TENM2: variants seen among roughly 807,000 people sequenced by gnomAD.
TENM2 encodes teneurin-2.
A neutral mutation model predicts 245.2 loss-of-function variants in TENM2; 52 were observed. The observed-to-expected ratio is 0.21, with a 90% CI of 0.17 to 0.27. The LOEUF (loss-of-function observed/expected upper bound fraction) is 0.27. TENM2 is among the 10% of genes least tolerant of loss of function. The pLI is 1.00. For synonymous variants in TENM2, 1,363 were observed against 1,438.9 expected, an observed-to-expected ratio of 0.95 and a Z score of 1.19; for missense variants, 3,046 against 3,666.8, an observed-to-expected ratio of 0.83 and a Z score of 4.37.
chr5:167,413,359 T>C (rs995917780), intron 2 of TENM2, among the ~76,000 whole-genome samples: 9 of 152,096 alleles, frequency 5.9e-5, no homozygotes, highest in African/African-American at 1.7e-4. Context: ...CCTGGAACCA[T>C]GTTTGTCAGA....
intron 1 of TENM2, among the ~76,000 whole-genome samples, chr5:167,295,590 C>CA (rs1206459494): frequency 6.6e-6 from 1 of 152,188 alleles, no homozygotes; most frequent in Non-Finnish European, 1.5e-5. Flanking sequence ...GATGAATCAT[C>CA]ACACTGATAT....
intron 2 of TENM2, among the ~76,000 whole-genome samples, chr5:167,555,422 C>T (rs1773205563): frequency 6.6e-6 from 1 of 152,088 alleles, no homozygotes; most frequent in Non-Finnish European, 1.5e-5. Flanking sequence ...TTATATTTAA[C>T]TCAAACTTGG....
chr5:167,263,416 C>T, the TENM2 span, among the ~76,000 whole-genome samples: 2 of 152,124 alleles, frequency 1.3e-5, no homozygotes, highest in Non-Finnish European at 2.9e-5. Context: ...TGCAGAAACC[C>T]TGCTCCTTCC....
chr5:167,722,364 A>G (rs887348005), intron 2 of TENM2, among the ~76,000 whole-genome samples: 5 of 152,336 alleles, frequency 3.3e-5, no homozygotes, highest in Admixed American at 6.5e-5. Context: ...TCATTTTCCA[A>G]GAGATAAGTA....
At chr5:167,663,272 A>G (rs1755364294) in intron 2 of TENM2, among the ~76,000 whole-genome samples, 2 of 152,012 alleles carry the variant, frequency 1.3e-5, no homozygotes, top group Admixed American at 6.6e-5. Flanking sequence ...GAGCTCCTTT[A>G]GTTAGGATTT....
At chr5:168,186,540 G>T (rs1174703632) in intron 13 of TENM2, 1 of 152,174 alleles carries the variant, frequency 6.6e-6, no homozygotes, top group African/African-American at 2.4e-5. Flanking sequence ...AGCCACCGCA[G>T]TGTGGGCTGA....
chr5:167,363,730 C>CAAAAAAAAAAAAA (rs10659741), intron 1 of TENM2, among the ~76,000 whole-genome samples: 5 of 89,254 alleles, frequency 5.6e-5, no homozygotes, highest in African/African-American at 1.3e-4. Flanking sequence ...GACTCCATCT[C>CAAAAAAAAAAAAA]AAAAAAAAAA....
At chr5:167,316,099 C>CT (rs1216540383) in intron 1 of TENM2, among the ~76,000 whole-genome samples, 1 of 152,138 alleles carries the variant, frequency 6.6e-6, no homozygotes, top group African/African-American at 2.4e-5. Context: ...ACTCCCTGTT[C>CT]TTTTTTATCA....
chr5:167,949,692 A>G (rs1017299487), intron 3 of TENM2, among the ~76,000 whole-genome samples: 3 of 152,200 alleles, frequency 2.0e-5, no homozygotes, highest in African/African-American at 4.8e-5. Flanking sequence ...ACACAACTAG[A>G]AAGTGGCAGA....
intron 2 of TENM2, among the ~76,000 whole-genome samples, chr5:167,488,989 TTA>T: frequency 6.6e-6 from 1 of 152,292 alleles, no homozygotes. Context: ...CTCTCCGTTA[TTA>T]TGTTTTAGAA....
At chr5:167,160,457 A>G in the TENM2 span, among the ~76,000 whole-genome samples, 1 of 152,234 alleles carries the variant, frequency 6.6e-6, no homozygotes, top group Non-Finnish European at 1.5e-5. Flanking sequence ...ATACCTTGGT[A>G]GTCTCTAAGA....
chr5:167,376,609 A>G (rs1760768950), intron 2 of TENM2, among the ~76,000 whole-genome samples: 2 of 152,138 alleles, frequency 1.3e-5, no homozygotes. Context: ...ATTTAAATTT[A>G]TGTTTAATTT....
At chr5:167,813,547 C>T (rs942317276) in intron 2 of TENM2, among the ~76,000 whole-genome samples, 2 of 152,122 alleles carry the variant, frequency 1.3e-5, no homozygotes, top group African/African-American at 4.8e-5. Flanking sequence ...ACTGTGGCAG[C>T]ATTTTTTTTC....
At chr5:167,078,828 A>C in the TENM2 span, among the ~76,000 whole-genome samples, 1 of 152,306 alleles carries the variant, frequency 6.6e-6, no homozygotes, top group African/African-American at 2.4e-5. Context: ...CATGGTCAAT[A>C]CAATACAACT....
intron 5 of TENM2, among the ~76,000 whole-genome samples, chr5:167,994,114 G>C (rs998289741): frequency 6.6e-6 from 1 of 151,712 alleles, no homozygotes; most frequent in Non-Finnish European, 1.5e-5. Flanking sequence ...AAGAGGCCAT[G>C]GTGATGTTTG....
intron 2 of TENM2, among the ~76,000 whole-genome samples, chr5:167,658,153 C>T (rs1754971979): frequency 6.6e-6 from 1 of 151,732 alleles, no homozygotes; most frequent in Non-Finnish European, 1.5e-5. Flanking sequence ...CTGATGAGGA[C>T]CTTCTTGCTG....
chr5:167,498,984 A>G (rs987349105), intron 2 of TENM2, among the ~76,000 whole-genome samples: 1 of 152,160 alleles, frequency 6.6e-6, no homozygotes, highest in African/African-American at 2.4e-5. Flanking sequence ...GCATTTAAAA[A>G]AATTGTAACA....
rs529159053 is a variant in TENM2 at position 167,343,506 on chromosome 5, T to G, written c.227-31692T>G. ...TTTATGCTCCATATGAACTTTAGGT[T>G]TTGCCTCCAGATATTTTGCTTTATT... On this transcript the variant is annotated intron_variant, in intron 1 of 28. Transcript: ENST00000518659. Among the ~76,000 whole-genome samples the G allele has an allele frequency of 9.2e-5, 14 of 152,310 alleles. No homozygotes were observed. In the South Asian group the frequency reaches 2.7e-3, roughly 29 times the overall value.
chr5:167,274,277 T>A, the TENM2 span, among the ~76,000 whole-genome samples: 1 of 152,154 alleles, frequency 6.6e-6, no homozygotes, highest in Non-Finnish European at 1.5e-5. Flanking sequence ...TTAGGATTGC[T>A]TTTTTCACTC....
Sources: gnomAD v4.1 joint callset for allele counts (sites outside exome capture counted in the v4.1 genomes callset) on GRCh38, gnomAD v4.1.1 for gene constraint, MANE v1.5 for transcripts, NCBI Gene and HGNC (gene_info 2026-07-23, HGNC 2026-07-21) for gene names.